Variants in DNM2 observed in about 807,000 individuals in gnomAD.
DNM2 encodes the protein dynamin-2.
Under a neutral mutation model 99.0 loss-of-function variants are expected in DNM2, and 15 were observed. That is an observed-to-expected ratio of 0.15 (90% CI 0.10 to 0.23). The LOEUF (loss-of-function observed/expected upper bound fraction) is 0.23. Ranked by LOEUF, DNM2 falls within the 10% of genes least tolerant of loss-of-function variation. The pLI is 1.00. For missense variants in DNM2, 742 were observed against 1,189.4 expected (o/e 0.62, Z 5.53); for synonymous variants, 525 against 481.2 (o/e 1.09, Z -1.19).
chr19:10,728,204 T>C (rs1269900198), intron 1 of DNM2, among the ~76,000 whole-genome samples: 1 of 152,206 alleles, frequency 6.6e-6, no homozygotes, highest in Non-Finnish European at 1.5e-5. Flanking sequence ...CCAGTGTTTA[T>C]GGAGAATCAC....
At chr19:10,783,235 G>A in intron 6 of DNM2, 115 bp downstream of exon 6, 1 of 1,478,460 alleles carries the variant, frequency 6.8e-7, no homozygotes, top group Non-Finnish European at 9.2e-7. Flanking sequence ...TAGCAAAATG[G>A]GTTCAGTCCA....
Position 10,767,372 on chromosome 19 carries a change from C to T in DNM2, c.236-5107C>T, listed in dbSNP as rs1056042665. Reference sequence around the variant, plus strand: ...TGTCATCCAGGCTGGAGTGCAGTGGCGTGATCACAGCTCACTGCAGCTTCA... The same window carrying T: ...TGTCATCCAGGCTGGAGTGCAGTGGTGTGATCACAGCTCACTGCAGCTTCA... On this transcript the variant is annotated intron_variant, in intron 2 of 20. Transcript: ENST00000389253. Among the ~76,000 whole-genome samples the T allele has an allele frequency of 5.3e-5, 8 of 152,286 alleles. No individual in the cohort carries two copies. In the East Asian group the frequency reaches 9.7e-4, roughly 18 times the overall value.
intron 7 of DNM2, among the ~76,000 whole-genome samples, chr19:10,791,536 C>T (rs533866465): frequency 1.1e-4 from 16 of 151,338 alleles, no homozygotes; most frequent in African/African-American, 1.7e-4. Flanking sequence ...CCGAATTCCG[C>T]GGGACACCGA....
Position 10,817,375 on chromosome 19 carries a change from CTGCCGGCGAGT to C in DNM2, c.1672-2603_1672-2593del. The C allele has an allele frequency of 2.1e-6, 1 of 478,616 alleles. No homozygotes were observed. Among genetic ancestry groups the C allele is most frequent in the Admixed American group, 2.3e-5 (1 of 43,682 alleles). 29.6% of individuals were successfully genotyped at this position (478,616 alleles called of 1,614,324 possible). Reference sequence around the variant, plus strand: ...CGGGGTGGTGGAAAATGACACTCACCTGCCGGCGAGTTTGGGGGGCCTGTCTCGACGAGCCG... The same window carrying C: ...CGGGGTGGTGGAAAATGACACTCACCTTGGGGGGCCTGTCTCGACGAGCCG... On this transcript the variant is annotated intron_variant, in intron 15 of 20. Transcript: ENST00000389253. The surrounding 1 kb of genome is among the most constrained non-coding windows in gnomAD (Gnocchi z 4.6).
At chr19:10,783,706 T>TTA (rs1265261867) in intron 6 of DNM2, among the ~76,000 whole-genome samples, 4 of 145,094 alleles carry the variant, frequency 2.8e-5, no homozygotes, top group Non-Finnish European at 4.5e-5. Context: ...ATTATTATTA[T>TTA]TTTTTATTTT....
At chr19:10,734,572 G>A (rs1373932014) in intron 1 of DNM2, among the ~76,000 whole-genome samples, 1 of 143,834 alleles carries the variant, frequency 7.0e-6, no homozygotes, top group Non-Finnish European at 1.5e-5. Flanking sequence ...CCTGGAGGTT[G>A]AGGCTGCAGT....
intron 2 of DNM2, among the ~76,000 whole-genome samples, chr19:10,760,194 C>T (rs1474455888): frequency 6.7e-6 from 1 of 149,404 alleles, no homozygotes; most frequent in Non-Finnish European, 1.5e-5. Flanking sequence ...CCTCCATGGC[C>T]AGCTTTTTTT....
At chr19:10,790,890 C>T (rs368989275) in intron 7 of DNM2, among the ~76,000 whole-genome samples, 1 of 151,786 alleles carries the variant, frequency 6.6e-6, no homozygotes, top group African/African-American at 2.4e-5. Context: ...CACAGCCTCC[C>T]GAGTAGCTGG....
chr19:10,813,290 G>A (rs563768571), intron 15 of DNM2, among the ~76,000 whole-genome samples: 2 of 152,312 alleles, frequency 1.3e-5, no homozygotes, highest in South Asian at 4.1e-4. Context: ...TGAGGGGGCA[G>A]GCCTTGAGCA....
At position 10,783,006 on chromosome 19, in the gene DNM2, G is replaced by A; in HGVS notation, c.735G>A (p.Lys245=). ...GCAGCCAGAAGGATATTGAGGGCAA[G>A]AAGGACATCCGTGCAGCACTGGCAG... ...VNRSQKDIEG[K]KDIRAALAAE... Residue 245 remains lysine (K), a synonymous_variant, in exon 6 of 21, where the codon AAG becomes AAA. Transcript: ENST00000389253. 6.2e-7 allele frequency: 1 copy of A among 1,614,186 alleles called. No homozygotes were observed. Among genetic ancestry groups the A allele is most frequent in the East Asian group, 2.2e-5 (1 of 44,880 alleles).
Position 10,817,343 on chromosome 19 carries a change from T to A in DNM2, c.1672-2637T>A. 1 of 457,150 alleles carries A rather than the reference T, an allele frequency of 2.2e-6. No homozygotes were observed. Among genetic ancestry groups the A allele is most frequent in the Non-Finnish European group, 4.5e-6 (1 of 223,010 alleles). 28.3% of individuals were successfully genotyped at this position (457,150 alleles called of 1,614,324 possible). ...TCTTCTATGCGAGGCTCTGCCACAG[T>A]GGGAAACGGGGTGGTGGAAAATGAC... On this transcript the variant is annotated intron_variant, in intron 15 of 20. Coordinates refer to ENST00000389253, the MANE Select transcript of DNM2 (RefSeq NM_001005361.3). The surrounding 1 kb of genome is among the most constrained non-coding windows in gnomAD (Gnocchi z 4.6).
chr19:10,720,218 T>TA (rs944086298), intron 1 of DNM2, among the ~76,000 whole-genome samples: 2 of 144,356 alleles, frequency 1.4e-5, no homozygotes, highest in East Asian at 2.0e-4. Context: ...ATTTATTTAT[T>TA]TTTTTTTTTT....
Position 10,796,742 on chromosome 19 carries a change from C to T in DNM2, c.1197-638C>T, listed in dbSNP as rs546134376. On this transcript the variant is annotated intron_variant, in intron 9 of 20. Transcript: ENST00000389253. This position sits in a 1 kb window ranked among gnomAD's most constrained non-coding sequence, Gnocchi z 5.6. ...TGCACCCCACGCTGTCCCCCAGGGG[C>T]AGCCCATTTTTGGATCCACTTAGTC... 5.9e-5 allele frequency among the ~76,000 whole-genome samples: 9 copies of T among 152,264 alleles called. No homozygotes were observed. In the East Asian group the frequency reaches 1.7e-3, roughly 30 times the overall value.
chr19:10,727,659 G>A (rs189964414), intron 1 of DNM2, among the ~76,000 whole-genome samples: 20 of 152,096 alleles, frequency 1.3e-4, no homozygotes, highest in Middle Eastern at 6.8e-3. Context: ...CAAGAGCCAC[G>A]GCACCCGGCC....
intron 2 of DNM2, among the ~76,000 whole-genome samples, chr19:10,771,417 C>T (rs2070975099): frequency 6.6e-6 from 1 of 152,022 alleles, no homozygotes; most frequent in African/African-American, 2.4e-5. Context: ...AGGGTTATAC[C>T]CAGAAAACAT....
chr19:10,811,091 GT>G lies in DNM2; in HGVS notation c.1558-1172del. 1 of 154,052 alleles carries G rather than the reference GT, an allele frequency of 6.5e-6. No individual in the cohort carries two copies. The highest frequency in any genetic ancestry group is 1.9e-4 in the East Asian group (1 of 5,208). The allele number at this position is 154,052 out of a possible 1,614,324, so 9.5% of individuals were successfully genotyped here. ...GCTCATCCCAGGGAGGGATAAGTCT[GT>G]ACCCTTGGCCTTAACAAGGGGCGCC... On this transcript the variant is annotated intron_variant, in intron 14 of 20. Coordinates refer to ENST00000389253, the MANE Select transcript of DNM2 (RefSeq NM_001005361.3). The surrounding 1 kb of genome is among the most constrained non-coding windows in gnomAD (Gnocchi z 5.4).
rs2229919 is a variant in DNM2, at chr19:10,825,065, C to T, written c.1902C>T (p.Asn634=). 4,036 of 1,614,110 alleles carry T rather than the reference C, an allele frequency of 2.5e-3. 13 individuals carry two copies. The highest frequency in any genetic ancestry group is 3.2e-3 in the Non-Finnish European group (3,768 of 1,180,006). ...TCCCCTCCCGCTTGCAGGCAGAAAA[C>T]GAGGATGGGGCCCAGGAGAACACCT... ...GVYPEKDQAE[N]EDGAQENTFS... Residue 634 remains asparagine, a synonymous_variant, in exon 18 of 21, where the codon AAC becomes AAT. Transcript: ENST00000389253.
intron 1 of DNM2, among the ~76,000 whole-genome samples, chr19:10,758,351 C>CTCCTTCCTTCCTTCCCTCCTTCCT (rs2070480440): frequency 9.7e-6 from 1 of 103,514 alleles, no homozygotes; most frequent in Non-Finnish European, 2.0e-5. Flanking sequence ...CCTTCCTTCC[C>CTCCTTCCTTCCTTCCCTCCTTCCT]TCCCTCCTTC....
intron 2 of DNM2, 146 bp downstream of exon 2, chr19:10,759,957 A>C: frequency 8.4e-7 from 1 of 1,184,852 alleles, no homozygotes; most frequent in Non-Finnish European, 1.3e-6. Context: ...GGAAATTGAA[A>C]AACGGCTCAG....
Sources: gnomAD v4.1 joint callset for allele counts (sites outside exome capture counted in the v4.1 genomes callset) on GRCh38, gnomAD v4.1.1 for gene constraint, Gnocchi (gnomAD v3.1) non-coding constraint, MANE v1.5 for transcripts, NCBI Gene and HGNC (gene_info 2026-07-23, HGNC 2026-07-21) for gene names.